The following IGSF11 variants were observed in gnomAD, a reference collection of about 807,000 sequenced individuals.
The protein encoded by IGSF11 is CXADR like 1.
In IGSF11, 22 loss-of-function variants were observed where a neutral mutation model predicts 41.0. That is an observed-to-expected ratio of 0.54 (90% CI 0.38 to 0.77). The LOEUF (loss-of-function observed/expected upper bound fraction) is 0.77. IGSF11 is among the 30% of genes least tolerant of loss of function. IGSF11 has a pLI of 0.00. For missense variants in IGSF11, 444 were observed against 530.8 expected, an observed-to-expected ratio of 0.84 and a Z score of 1.61; for synonymous variants, 219 against 201.3, an observed-to-expected ratio of 1.09 and a Z score of -0.74.
chr3:119,059,451 G>T (rs1941984095), intron 1 of IGSF11, among the ~76,000 whole-genome samples: 1 of 152,106 alleles, frequency 6.6e-6, no homozygotes, highest in African/African-American at 2.4e-5. Flanking sequence ...TACACATTGG[G>T]TTCAGTGTAC....
At chr3:118,994,375 G>A (rs563167367) in intron 1 of IGSF11, among the ~76,000 whole-genome samples, 1 of 152,302 alleles carries the variant, frequency 6.6e-6, no homozygotes, top group Admixed American at 6.5e-5. Context: ...GAAATAGTGG[G>A]GCTGGGCACA....
upstream of IGSF11, among the ~76,000 whole-genome samples, chr3:119,106,159 G>A (rs866176980): frequency 6.6e-6 from 1 of 152,084 alleles, no homozygotes; most frequent in African/African-American, 2.4e-5. Context: ...ATAACATCAT[G>A]GTAGATGGCA....
upstream of IGSF11, among the ~76,000 whole-genome samples, chr3:119,106,930 T>C (rs978363168): frequency 2.0e-5 from 3 of 152,376 alleles, no homozygotes; most frequent in African/African-American, 7.2e-5. Context: ...TCATTTTTTA[T>C]GGCTGCATAG....
intron 4 of IGSF11, among the ~76,000 whole-genome samples, chr3:118,917,146 G>A (rs1941217584): frequency 1.3e-5 from 2 of 150,160 alleles, no homozygotes; most frequent in South Asian, 4.3e-4. Context: ...ATGCCCACAA[G>A]AGAAAGCAGG....
chr3:119,132,339 A>C (rs570085741), intron 1 of IGSF11, among the ~76,000 whole-genome samples: 1 of 144,852 alleles, frequency 6.9e-6, no homozygotes, highest in Non-Finnish European at 1.5e-5. Flanking sequence ...TAGGCTCAAA[A>C]TAAAGGGATG....
In IGSF11 at chr3:119,112,381, C is replaced by T. The variant is rs189340893; in HGVS notation, c.-13-7176G>A. Among the ~76,000 whole-genome samples the T allele has an allele frequency of 1.4e-4, 21 of 152,268 alleles. No individual in the cohort carries two copies. In the East Asian group the frequency reaches 3.1e-3, roughly 22 times the overall value. On this transcript the variant is annotated intron_variant, in intron 1 of 7. Transcript: ENST00000425327. The stretch of plus-strand genomic sequence containing the variant: ...CTAGCAATCAGCGAGACTCTGTGGG[C>T]GTAGGACCCTCCGAGCCATGTGCGG...
At chr3:118,928,217 G>A (rs1942513864) in intron 3 of IGSF11, among the ~76,000 whole-genome samples, 2 of 152,176 alleles carry the variant, frequency 1.3e-5, no homozygotes, top group Non-Finnish European at 2.9e-5. Context: ...GTTCTGTACT[G>A]TAGAAGCTTA....
intron 1 of IGSF11, among the ~76,000 whole-genome samples, chr3:118,942,413 G>A (rs978298566): frequency 1.3e-5 from 2 of 152,188 alleles, no homozygotes; most frequent in African/African-American, 2.4e-5. Context: ...GCTGCTATCT[G>A]TGCTAGCAAT....
rs541444154 is a variant in IGSF11, at chr3:118,939,301, T to G, written c.53-9026A>C. 7.9e-5 allele frequency among the ~76,000 whole-genome samples: 12 copies of G among 151,258 alleles called. No individual in the cohort carries two copies. The East Asian group carries it at 2.3e-3, about 29-fold the overall frequency. On this transcript the variant is annotated intron_variant, in intron 1 of 6. Transcript: ENST00000393775. ...TTTTTTTAAATCACTTCGGGCCAGG[T>G]GTGGTGGCTCAAGCCTGTAATCCCA... is the stretch of plus-strand genomic sequence containing the variant.
chr3:118,924,388 A>T (rs982174721), intron 4 of IGSF11, among the ~76,000 whole-genome samples: 1 of 152,136 alleles, frequency 6.6e-6, no homozygotes, highest in African/African-American at 2.4e-5. Context: ...TTCTGAAAAA[A>T]ATCTAAATTA....
In IGSF11 at chr3:118,953,350, A is replaced by C. The variant is rs114182012; in HGVS notation, c.53-23075T>G. Among the ~76,000 whole-genome samples the C allele has an allele frequency of 1.2e-3, 178 of 152,340 alleles. 2 individuals carry two copies. Among genetic ancestry groups the C allele is most frequent in the African/African-American group, 4.3e-3 (177 of 41,570 alleles). ...ATTTGCAATTACAAATTGTGCTGCTATAAACACACATGTGAAAGTATCTTT... is the reference window on the plus strand; with the variant it reads ...ATTTGCAATTACAAATTGTGCTGCTCTAAACACACATGTGAAAGTATCTTT... On this transcript the variant is annotated intron_variant, in intron 1 of 6. Transcript: ENST00000393775.
At chr3:118,923,166 C>A (rs1941993801) in intron 4 of IGSF11, among the ~76,000 whole-genome samples, 1 of 152,128 alleles carries the variant, frequency 6.6e-6, no homozygotes, top group South Asian at 2.1e-4. Flanking sequence ...TCAATGAATG[C>A]TAGGCTTCTG....
chr3:119,040,250 T>C (rs936477560), intron 1 of IGSF11, among the ~76,000 whole-genome samples: 1 of 152,016 alleles, frequency 6.6e-6, no homozygotes, highest in Non-Finnish European at 1.5e-5. Flanking sequence ...TCCCAGGAAA[T>C]GACTCAGTGC....
At chr3:119,074,858 AT>A (rs1378881340) in intron 1 of IGSF11, among the ~76,000 whole-genome samples, 1 of 152,156 alleles carries the variant, frequency 6.6e-6, no homozygotes, top group Non-Finnish European at 1.5e-5. Flanking sequence ...TCTCAAAAAA[AT>A]AAATAAAATA....
intron 1 of IGSF11, among the ~76,000 whole-genome samples, chr3:119,057,072 A>G (rs1018443551): frequency 2.6e-5 from 4 of 152,228 alleles, no homozygotes; most frequent in African/African-American, 9.6e-5. Flanking sequence ...CAAGACAGGG[A>G]GGCCCTCTCT....
chr3:118,991,052 C>T (rs1389131710), intron 1 of IGSF11, among the ~76,000 whole-genome samples: 1 of 152,174 alleles, frequency 6.6e-6, no homozygotes, highest in East Asian at 1.9e-4. Flanking sequence ...CCACAGAGAT[C>T]CAGAGAATTG....
intron 1 of IGSF11, among the ~76,000 whole-genome samples, chr3:118,972,243 G>A (rs1448022899): frequency 6.6e-6 from 1 of 152,152 alleles, no homozygotes; most frequent in African/African-American, 2.4e-5. Context: ...GATCCAGACA[G>A]ATACAAGGAT....
At chr3:118,938,779 A>C (rs1943467704) in intron 1 of IGSF11, among the ~76,000 whole-genome samples, 1 of 152,050 alleles carries the variant, frequency 6.6e-6, no homozygotes, top group Non-Finnish European at 1.5e-5. Context: ...GGGAAAGCAA[A>C]GAGTTTGGGA....
chr3:118,962,543 AT>A (rs1173328795), intron 1 of IGSF11, among the ~76,000 whole-genome samples: 1 of 151,934 alleles, frequency 6.6e-6, no homozygotes, highest in East Asian at 1.9e-4. Context: ...TGGAAGAAGT[AT>A]TTGGGGGAAA....
Sources: gnomAD v4.1 joint callset for allele counts (sites outside exome capture counted in the v4.1 genomes callset) on GRCh38, gnomAD v4.1.1 for gene constraint, MANE v1.5 for transcripts, NCBI Gene and HGNC (gene_info 2026-07-23, HGNC 2026-07-21) for gene names.